The following NLN variants were observed in gnomAD, a reference collection of about 807,000 sequenced individuals.
The protein encoded by NLN is neurolysin.
In NLN, 64 loss-of-function variants were observed where a neutral mutation model predicts 79.9. The observed-to-expected ratio is 0.80, with a 90% CI of 0.65 to 0.99. The LOEUF (loss-of-function observed/expected upper bound fraction) is 0.99, where lower values mean the gene tolerates loss of function less well. Among genes scored for constraint, NLN ranks in the 50% least tolerant of loss-of-function variants. The pLI, the probability that NLN is intolerant of heterozygous loss-of-function variation, is 0.00. For synonymous variants in NLN, 267 were observed against 296.6 expected (o/e 0.90, Z 1.02); for missense variants, 835 against 858.7 (o/e 0.97, Z 0.34).
At chr5:65,811,787 A>C (rs1166104648) in intron 11 of NLN, among the ~76,000 whole-genome samples, 3 of 152,132 alleles carry the variant, frequency 2.0e-5, no homozygotes, top group Non-Finnish European at 4.4e-5. Flanking sequence ...TCACCACTGT[A>C]CTCCAGCTTG....
In NLN at chr5:65,738,970, A is replaced by AAT. The variant is rs572109765; in HGVS notation, c.41+16565_41+16566dup. Among the ~76,000 whole-genome samples, 643 of 67,032 alleles carry AAT rather than the reference A, an allele frequency of 9.6e-3. 23 individuals are homozygous for AAT. Among genetic ancestry groups the AAT allele is most frequent in the African/African-American group, 0.032 (607 of 18,794 alleles). 44.0% of individuals were successfully genotyped at this position (67,032 alleles called of 152,430 possible). ...ATATGTTTATATATATGTATATATA[A>AAT]ATATATATATTATATATTTATATAT... On this transcript the variant is annotated intron_variant, in intron 1 of 12. Transcript: ENST00000380985.
At chr5:65,776,521 GC>G (rs1339982483) in intron 3 of NLN, among the ~76,000 whole-genome samples, 1 of 152,132 alleles carries the variant, frequency 6.6e-6, no homozygotes, top group African/African-American at 2.4e-5. Flanking sequence ...CCAATAGAAG[GC>G]CTATAAGGCT....
At chr5:65,729,652 G>A (rs1286463121) in intron 1 of NLN, among the ~76,000 whole-genome samples, 1 of 152,152 alleles carries the variant, frequency 6.6e-6, no homozygotes, top group African/African-American at 2.4e-5. Context: ...GGGATTACAG[G>A]CGTGAACCAC....
intron 2 of NLN, among the ~76,000 whole-genome samples, chr5:65,761,637 T>G (rs1305660968): frequency 6.6e-6 from 1 of 152,224 alleles, no homozygotes; most frequent in Non-Finnish European, 1.5e-5. Flanking sequence ...TTAACTAGTA[T>G]CACTTAAATA....
chr5:65,747,039 A>G lies in NLN; in HGVS notation c.42-11528A>G, dbSNP rs78351138. Among the ~76,000 whole-genome samples the G allele has an allele frequency of 1.3e-3, 191 of 151,640 alleles. 1 individual carries two copies. Among genetic ancestry groups the G allele is most frequent in the African/African-American group, 4.5e-3 (186 of 41,378 alleles). On this transcript the variant is annotated intron_variant, in intron 1 of 12. Transcript: ENST00000380985. ...AAAAAAAAAGATTTTGCTGAGAGAG[A>G]TGATGTTTCATGGGTGATGTCTCTG...
At chr5:65,789,953 G>C (rs1437986824) in intron 8 of NLN, among the ~76,000 whole-genome samples, 1 of 152,120 alleles carries the variant, frequency 6.6e-6, no homozygotes, top group Non-Finnish European at 1.5e-5. Context: ...TGTAATATGG[G>C]ACTGGAAATC....
At chr5:65,777,905 A>G (rs1759716240) in intron 4 of NLN, among the ~76,000 whole-genome samples, 1 of 152,236 alleles carries the variant, frequency 6.6e-6, no homozygotes, top group Admixed American at 6.5e-5. Flanking sequence ...TAAATTCTAC[A>G]ACTCCTGTTA....
chr5:65,775,385 T>C (rs1039758459), intron 3 of NLN, among the ~76,000 whole-genome samples: 1 of 152,204 alleles, frequency 6.6e-6, no homozygotes, highest in African/African-American at 2.4e-5. Flanking sequence ...CCTGTAGCCT[T>C]AGCTTCTCGC....
At chr5:65,747,655 C>G (rs956981924) in intron 1 of NLN, among the ~76,000 whole-genome samples, 48 of 152,212 alleles carry the variant, frequency 3.2e-4, no homozygotes, top group African/African-American at 1.2e-3. Context: ...AAACTCTGAC[C>G]ACACTCCCTG....
Position 65,823,866 on chromosome 5 carries a change from G to A in NLN, c.*951G>A, listed in dbSNP as rs1415191438. 1.3e-5 allele frequency: 2 copies of A among 152,218 alleles called. No individual in the cohort carries two copies. The highest frequency in any genetic ancestry group is 2.9e-5 in the Non-Finnish European group (2 of 68,066). The allele number at this position is 152,218 out of a possible 1,614,324, so 9.4% of individuals were successfully genotyped here. A position where few individuals can be genotyped will look rare whatever the true frequency, so the allele number is the denominator to read the frequency against. ...AGAGGAGGTGGATGTGGAACATAAA[G>A]GGTTCAGAAACTCCAGAAGAGGAGT... On this transcript the variant is annotated 3_prime_UTR_variant, in exon 13 of 13. Transcript: ENST00000380985.
rs1342846141 is a variant in NLN at position 65,827,704 on chromosome 5, T to C, written c.*4789T>C. On this transcript the variant is annotated 3_prime_UTR_variant, in exon 13 of 13. Transcript: ENST00000380985. ...ATAATAGGGCTGGAATTATTAAGTA[T>C]GATGATGTTATTAACATCTAAAATT... The C allele has an allele frequency of 6.6e-6, 1 of 152,220 alleles. No homozygotes were observed. The highest frequency in any genetic ancestry group is 6.5e-5 in the Admixed American group (1 of 15,286). 9.4% of individuals were successfully genotyped at this position (152,220 alleles called of 1,614,324 possible).
intron 8 of NLN, among the ~76,000 whole-genome samples, chr5:65,790,468 A>T (rs769360234): frequency 1.9e-4 from 29 of 152,212 alleles, no homozygotes; most frequent in Non-Finnish European, 3.5e-4. Context: ...CAGAAGGGGA[A>T]ACAAACACAT....
At chr5:65,792,427 T>C (rs1241865535) in intron 8 of NLN, 27 bp from the exon 9 acceptor site, 14 of 1,542,248 alleles carry the variant, frequency 9.1e-6, no homozygotes, top group Admixed American at 5.1e-5. Context: ...TTTTCCTATG[T>C]TGCCAACGCG....
intron 9 of NLN, among the ~76,000 whole-genome samples, chr5:65,797,409 G>T (rs1312004803): frequency 6.6e-6 from 1 of 152,204 alleles, no homozygotes; most frequent in Non-Finnish European, 1.5e-5. Flanking sequence ...AAAGCAGCTT[G>T]TCTGCTCTAA....
rs945009868 is a variant in NLN at position 65,828,954 on chromosome 5, C to T, written c.*6039C>T. 10 of 152,262 alleles carry T rather than the reference C, an allele frequency of 6.6e-5. No homozygotes were observed. The highest frequency in any genetic ancestry group is 2.2e-4 in the African/African-American group (9 of 41,538). The allele number at this position is 152,262 out of a possible 1,614,324, so 9.4% of individuals were successfully genotyped here. On this transcript the variant is annotated 3_prime_UTR_variant, in exon 13 of 13. Transcript: ENST00000380985. ...GAAAGTTTATCCAGAGGTTAATTACCGGTTTTCTGGTGGGTATCTGGGAAC... is the reference window on the plus strand; with the variant it reads ...GAAAGTTTATCCAGAGGTTAATTACTGGTTTTCTGGTGGGTATCTGGGAAC...
intron 1 of NLN, among the ~76,000 whole-genome samples, chr5:65,723,814 C>CAAAAAAAAAA (rs760572199): frequency 0.092 from 5,037 of 54,992 alleles, 373 homozygotes; most frequent in Non-Finnish European, 0.13. Flanking sequence ...GACTCCGTCT[C>CAAAAAAAAAA]AAAAAAAAAA....
intron 12 of NLN, among the ~76,000 whole-genome samples, chr5:65,819,181 C>T (rs577127117): frequency 1.8e-4 from 27 of 152,230 alleles, no homozygotes; most frequent in African/African-American, 6.3e-4. Flanking sequence ...GGAAGTGCTA[C>T]ACCAGGAATG....
At chr5:65,731,469 TG>T (rs1301062864) in intron 1 of NLN, among the ~76,000 whole-genome samples, 1 of 152,198 alleles carries the variant, frequency 6.6e-6, no homozygotes, top group African/African-American at 2.4e-5. Context: ...TGTTTTTACT[TG>T]TGTGAATTGC....
chr5:65,786,387 A>G (rs567855626), intron 7 of NLN, among the ~76,000 whole-genome samples: 1 of 152,276 alleles, frequency 6.6e-6, no homozygotes, highest in African/African-American at 2.4e-5. Context: ...AGTATCTAAT[A>G]ACTAATATAA....
Sources: gnomAD v4.1 joint callset for allele counts (sites outside exome capture counted in the v4.1 genomes callset) on GRCh38, gnomAD v4.1.1 for gene constraint, MANE v1.5 for transcripts, NCBI Gene and HGNC (gene_info 2026-07-23, HGNC 2026-07-21) for gene names.